Variants in CNTNAP2 observed in about 807,000 individuals in gnomAD.
The protein encoded by CNTNAP2 is contactin-associated protein-like 2.
In CNTNAP2, 98 loss-of-function variants were observed where a neutral mutation model predicts 155.2. That is an observed-to-expected ratio of 0.63 (90% confidence interval 0.54 to 0.75). CNTNAP2 has a LOEUF of 0.75. Among genes scored for constraint, CNTNAP2 ranks in the 30% least tolerant of loss-of-function variants. The pLI is 0.00. For missense variants in CNTNAP2, 1,727 were observed against 1,688.1 expected, an observed-to-expected ratio of 1.02 and a Z score of -0.40; for synonymous variants, 651 against 631.2, an observed-to-expected ratio of 1.03 and a Z score of -0.47.
intron 18 of CNTNAP2, among the ~76,000 whole-genome samples, chr7:148,179,436 G>A (rs1794997004): frequency 6.6e-6 from 1 of 151,968 alleles, no homozygotes; most frequent in African/African-American, 2.4e-5. Context: ...GAGCTCAGGA[G>A]GTCAAGGCTT....
intron 12 of CNTNAP2, among the ~76,000 whole-genome samples, chr7:147,594,191 G>A (rs115694139): frequency 1.6e-3 from 216 of 137,348 alleles, no homozygotes; most frequent in African/African-American, 5.5e-3. Context: ...CAGTGGCCCA[G>A]TCTCGGCTCA....
intron 10 of CNTNAP2, among the ~76,000 whole-genome samples, chr7:147,449,023 T>G (rs1797788090): frequency 6.6e-6 from 1 of 152,192 alleles, no homozygotes; most frequent in African/African-American, 2.4e-5. Context: ...TCTAAGAAGC[T>G]AATGAACCAG....
chr7:146,381,172 C>T (rs1019582040), intron 1 of CNTNAP2, among the ~76,000 whole-genome samples: 5 of 151,980 alleles, frequency 3.3e-5, no homozygotes, highest in African/African-American at 7.2e-5. Flanking sequence ...GAGATATCAG[C>T]GAACATGTCA....
intron 13 of CNTNAP2, among the ~76,000 whole-genome samples, chr7:147,850,415 G>A (rs200156673): frequency 3.9e-5 from 6 of 152,098 alleles, no homozygotes; most frequent in African/African-American, 7.2e-5. Context: ...GGAAAAAACT[G>A]CTTTAAAGTT....
chr7:147,581,411 T>C lies in CNTNAP2; in HGVS notation c.1897+19154T>C, dbSNP rs182171941. ...GGAGAAACATTCATGATTATGGATA[T>C]ACATGGAACCATGCTGTATAGACAA... On this transcript the variant is annotated intron_variant, in intron 12 of 23. Transcript: ENST00000361727. Among the ~76,000 whole-genome samples, 358 of 152,348 alleles carry C rather than the reference T, an allele frequency of 2.3e-3. 1 individual carries two copies. The highest frequency in any genetic ancestry group is 6.0e-3 in the African/African-American group (251 of 41,584).
At chr7:147,849,520 C>T (rs2116664678) in intron 13 of CNTNAP2, among the ~76,000 whole-genome samples, 1 of 152,284 alleles carries the variant, frequency 6.6e-6, no homozygotes, top group South Asian at 2.1e-4. Flanking sequence ...ATGTAAATAC[C>T]TATGCAGCAT....
intron 21 of CNTNAP2, among the ~76,000 whole-genome samples, chr7:148,304,125 C>T (rs914676437): frequency 3.3e-5 from 5 of 151,730 alleles, no homozygotes; most frequent in African/African-American, 1.2e-4. Context: ...GGTTTTTAAC[C>T]AAAACTAAAA....
intron 10 of CNTNAP2, among the ~76,000 whole-genome samples, chr7:147,472,664 C>T (rs922352816): frequency 1.3e-5 from 2 of 152,110 alleles, no homozygotes; most frequent in Non-Finnish European, 2.9e-5. Flanking sequence ...ACTGGAGTGG[C>T]AGAGACACAG....
chr7:148,407,703 TAAAAAAAAA>T (rs57666141), intron 22 of CNTNAP2, among the ~76,000 whole-genome samples: 36,246 of 93,888 alleles, frequency 0.39, 5,669 homozygotes, highest in South Asian at 0.55. Context: ...GACCAAATCT[TAAAAAAAAA>T]AAAAAAAAAA....
chr7:146,800,853 A>G (rs910216918), intron 2 of CNTNAP2, among the ~76,000 whole-genome samples: 16 of 152,246 alleles, frequency 1.1e-4, no homozygotes, highest in African/African-American at 3.9e-4. Flanking sequence ...TGATTCTTAC[A>G]GTGAGCAAAG....
chr7:147,410,027 G>A (rs1005167143), intron 10 of CNTNAP2, among the ~76,000 whole-genome samples: 8 of 152,284 alleles, frequency 5.3e-5, no homozygotes, highest in South Asian at 4.1e-4. Flanking sequence ...CAGAAATACC[G>A]TTTGATTCAG....
chr7:148,313,424 G>C (rs1370131371), intron 21 of CNTNAP2, among the ~76,000 whole-genome samples: 1 of 151,890 alleles, frequency 6.6e-6, no homozygotes, highest in Non-Finnish European at 1.5e-5. Flanking sequence ...CCGATTTTCA[G>C]TGGGGTCCCG....
intron 1 of CNTNAP2, among the ~76,000 whole-genome samples, chr7:146,340,341 CAA>C (rs999041271): frequency 9.2e-5 from 12 of 130,262 alleles, no homozygotes; most frequent in African/African-American, 3.4e-4. Context: ...TAATACTTTT[CAA>C]AGTTTTCCAT....
intron 14 of CNTNAP2, among the ~76,000 whole-genome samples, chr7:147,935,834 C>T (rs934155232): frequency 6.6e-6 from 1 of 152,278 alleles, no homozygotes; most frequent in East Asian, 1.9e-4. Context: ...TATGTTTACT[C>T]TCTCCACTTC....
At chr7:146,715,362 G>A (rs1276131620) in intron 1 of CNTNAP2, among the ~76,000 whole-genome samples, 2 of 152,068 alleles carry the variant, frequency 1.3e-5, no homozygotes, top group Non-Finnish European at 2.9e-5. Context: ...ACTCTATGGA[G>A]TCAAAGATAC....
At chr7:146,530,071 T>A (rs954877454) in intron 1 of CNTNAP2, among the ~76,000 whole-genome samples, 6 of 152,066 alleles carry the variant, frequency 3.9e-5, no homozygotes, top group African/African-American at 1.4e-4. Flanking sequence ...TATAATGTAC[T>A]AAAAAATATG....
In CNTNAP2 at chr7:147,562,226, G is replaced by C. The variant is rs377081637; in HGVS notation, c.1866G>C (p.Leu622=). 6 of 1,613,832 alleles carry C rather than the reference G, an allele frequency of 3.7e-6. No individual in the cohort carries two copies. In the African/African-American group the frequency reaches 8.0e-5, roughly 22 times the overall value. The part of the protein sequence containing the change: ...YWIDPDGSGP[L]GPLKVYCNMT... ...TAGATCCTGATGGCAGCGGACCTCT[G>C]GGGCCTCTGAAAGTTTACTGCAACA... The change falls in exon 12 of 24, where the codon CTG becomes CTC. Residue 622 remains leucine (L), a synonymous_variant. Transcript: ENST00000361727.
intron 14 of CNTNAP2, among the ~76,000 whole-genome samples, chr7:147,944,163 G>A (rs1172181817): frequency 6.6e-6 from 1 of 152,144 alleles, no homozygotes; most frequent in African/African-American, 2.4e-5. Flanking sequence ...GCCTACTGGT[G>A]TCTCATTTTT....
At chr7:147,132,044 G>A (rs1420165583) in intron 7 of CNTNAP2, among the ~76,000 whole-genome samples, 1 of 152,100 alleles carries the variant, frequency 6.6e-6, no homozygotes, top group African/African-American at 2.4e-5. Context: ...GCCAACTGCT[G>A]CTCAGTAGTA....
Sources: allele counts gnomAD v4.1 joint callset (sites outside exome capture counted in the v4.1 genomes callset), GRCh38; gene constraint gnomAD v4.1.1; transcripts MANE v1.5; gene names NCBI Gene and HGNC (gene_info 2026-07-23, HGNC 2026-07-21).